The following SV2C variants were observed in gnomAD, a reference collection of about 807,000 sequenced individuals.
SV2C encodes the protein solute carrier family 22 member B3.
Under a neutral mutation model 79.7 loss-of-function variants are expected in SV2C, and 49 were observed. The observed-to-expected ratio is 0.61, with a 90% CI of 0.49 to 0.78. The LOEUF (loss-of-function observed/expected upper bound fraction) is 0.78, where lower values mean the gene tolerates loss of function less well. SV2C is among the 30% of genes least tolerant of loss of function. The pLI, the probability that SV2C is intolerant of heterozygous loss-of-function variation, is 0.00. For missense variants in SV2C, 833 were observed against 912.9 expected (o/e 0.91, Z 1.13); for synonymous variants, 334 against 333.2 (o/e 1.00, Z -0.03).
At chr5:75,878,441 G>C in the SV2C span, among the ~76,000 whole-genome samples, 1 of 152,086 alleles carries the variant, frequency 6.6e-6, no homozygotes, top group South Asian at 2.1e-4. Flanking sequence ...TCTATACTGT[G>C]TAGTAAAAGA....
chr5:76,055,363 T>G, the SV2C span, among the ~76,000 whole-genome samples: 1 of 152,150 alleles, frequency 6.6e-6, no homozygotes, highest in Non-Finnish European at 1.5e-5. Flanking sequence ...TCTATAGATC[T>G]GTTACGTACC....
chr5:75,878,860 A>AG, the SV2C span, among the ~76,000 whole-genome samples: 18,885 of 152,178 alleles, frequency 0.12, 1,388 homozygotes, highest in African/African-American at 0.22. Flanking sequence ...TATTAAAAAA[A>AG]AGGTTTATTT....
the SV2C span, among the ~76,000 whole-genome samples, chr5:76,061,654 G>A: frequency 1.7e-3 from 264 of 152,042 alleles, 7 homozygotes; most frequent in East Asian, 0.049. Context: ...ATCAGACCTC[G>A]TGTTTGTGCT....
chr5:76,100,604 A>G (rs951584481), intron 1 of SV2C, among the ~76,000 whole-genome samples: 2 of 152,208 alleles, frequency 1.3e-5, no homozygotes. Context: ...GGGATATGCT[A>G]TGCTAATTAG....
chr5:76,318,506 C>T (rs760117881), intron 12 of SV2C, among the ~76,000 whole-genome samples: 14 of 152,118 alleles, frequency 9.2e-5, no homozygotes, highest in Non-Finnish European at 1.5e-4. Context: ...GAGGGAGCCA[C>T]CATCCAGCTG....
At chr5:76,023,951 C>T in the SV2C span, among the ~76,000 whole-genome samples, 1 of 151,330 alleles carries the variant, frequency 6.6e-6, no homozygotes, top group Admixed American at 6.6e-5. Context: ...TAGCACTCTG[C>T]CCCATTGCAA....
intron 12 of SV2C, chr5:76,353,009 AT>A: frequency 2.6e-6 from 1 of 385,480 alleles, no homozygotes; most frequent in Non-Finnish European, 5.2e-6. Context: ...TAGTGACATG[AT>A]CATAGCTCAC....
chr5:76,182,489 C>T (rs1186728681), intron 2 of SV2C, among the ~76,000 whole-genome samples: 1 of 152,172 alleles, frequency 6.6e-6, no homozygotes, highest in Admixed American at 6.5e-5. Flanking sequence ...CTTCCTTGGC[C>T]TACTACAGTT....
the SV2C span, among the ~76,000 whole-genome samples, chr5:75,975,134 A>G: frequency 6.6e-6 from 1 of 152,184 alleles, no homozygotes; most frequent in Admixed American, 6.5e-5. Context: ...GTACCACTGA[A>G]GAGCCAAACC....
At chr5:76,342,361 GAGA>G (rs1749458259) in intron 12 of SV2C, among the ~76,000 whole-genome samples, 2 of 152,140 alleles carry the variant, frequency 1.3e-5, no homozygotes, top group Non-Finnish European at 1.5e-5. Context: ...ATCACACCAG[GAGA>G]AGGAGTCCTG....
chr5:76,099,916 T>G (rs983139791), intron 1 of SV2C, among the ~76,000 whole-genome samples: 3 of 152,222 alleles, frequency 2.0e-5, no homozygotes, highest in Middle Eastern at 3.2e-3. Context: ...GTGGTAACAC[T>G]GAGAGTTGTG....
chr5:76,166,766 C>T (rs988667515), intron 2 of SV2C, among the ~76,000 whole-genome samples: 2 of 152,216 alleles, frequency 1.3e-5, no homozygotes, highest in Admixed American at 6.5e-5. Context: ...ACACCAGAAC[C>T]CTTCTTTAGG....
chr5:76,256,705 T>C (rs929368679), intron 4 of SV2C, among the ~76,000 whole-genome samples: 33 of 152,196 alleles, frequency 2.2e-4, no homozygotes, highest in African/African-American at 7.7e-4. Flanking sequence ...TCCAGGGAAA[T>C]TCATCTCCCA....
At chr5:76,044,244 T>C in the SV2C span, among the ~76,000 whole-genome samples, 1 of 152,228 alleles carries the variant, frequency 6.6e-6, no homozygotes, top group Admixed American at 6.5e-5. Context: ...ATTATATCAT[T>C]ACTTTTTATG....
chr5:76,340,945 T>C (rs1049629444), intron 12 of SV2C, among the ~76,000 whole-genome samples: 5 of 149,514 alleles, frequency 3.3e-5, no homozygotes, highest in Admixed American at 1.3e-4. Flanking sequence ...TTTTTTTTTT[T>C]CCGAGATGGA....
rs147577511 is a variant in SV2C, at chr5:76,303,754, T to G, written c.2000+2209T>G. 5.5e-3 allele frequency among the ~76,000 whole-genome samples: 838 copies of G among 152,264 alleles called. 10 individuals are homozygous for G. The highest frequency in any genetic ancestry group is 0.017 in the African/African-American group (705 of 41,540). ...AAATATCAATTGAAATAAAAACAAA[T>G]GTTGCTTATTTGTATTAATTCAGGT... On this transcript the variant is annotated intron_variant, in intron 12 of 12. Transcript: ENST00000502798.
In SV2C at chr5:76,209,698, A is replaced by G. The variant is rs201575596; in HGVS notation, c.762-38A>G. 2.0e-3 allele frequency: 3,209 copies of G among 1,601,780 alleles called. 7 individuals are homozygous for G. Among genetic ancestry groups the G allele is most frequent in the Non-Finnish European group, 2.5e-3 (2,984 of 1,172,450 alleles). On this transcript the variant is annotated intron_variant, in intron 3 of 12. Coordinates refer to ENST00000502798, the MANE Select transcript of SV2C (RefSeq NM_014979.4). ...CCTTTGCGTCTCACATGAGCTGTCCACACCCTGATTTCATGTATTCTCTGT... is the reference window on the plus strand; with the variant it reads ...CCTTTGCGTCTCACATGAGCTGTCCGCACCCTGATTTCATGTATTCTCTGT...
intron 1 of SV2C, among the ~76,000 whole-genome samples, chr5:76,108,771 C>T (rs1455929443): frequency 1.3e-5 from 2 of 152,096 alleles, no homozygotes; most frequent in Non-Finnish European, 2.9e-5. Flanking sequence ...GTGAGTCCCA[C>T]CCTAAAGCAA....
At chr5:76,067,354 A>AT in the SV2C span, among the ~76,000 whole-genome samples, 3 of 151,340 alleles carry the variant, frequency 2.0e-5, no homozygotes, top group East Asian at 1.9e-4. Context: ...TCTGACTGTG[A>AT]TTTTTTGACT....
Sources: gnomAD v4.1 joint callset for allele counts (sites outside exome capture counted in the v4.1 genomes callset) on GRCh38, gnomAD v4.1.1 for gene constraint, MANE v1.5 for transcripts, NCBI Gene and HGNC (gene_info 2026-07-23, HGNC 2026-07-21) for gene names.